The following ZNF546 variants were observed in gnomAD, a reference collection of about 807,000 sequenced individuals.
The protein encoded by ZNF546 is CTC-471F3.6.
A neutral mutation model predicts 76.2 loss-of-function variants in ZNF546; 60 were observed. The observed-to-expected ratio is 0.79, with a 90% CI of 0.64 to 0.98. The LOEUF (loss-of-function observed/expected upper bound fraction) is 0.98, where lower values mean the gene tolerates loss of function less well. Ranked by LOEUF, ZNF546 falls within the 50% of genes least tolerant of loss-of-function variation. The pLI is 0.00. For missense variants in ZNF546, 936 were observed against 1,035.6 expected, an observed-to-expected ratio of 0.90 and a Z score of 1.32; for synonymous variants, 277 against 328.1, an observed-to-expected ratio of 0.84 and a Z score of 1.68.
chr19:40,001,826 G>T (rs955746970), intron 3 of ZNF546, among the ~76,000 whole-genome samples: 3 of 152,074 alleles, frequency 2.0e-5, no homozygotes, highest in African/African-American at 7.3e-5. Flanking sequence ...AATATAAAAT[G>T]ATTTTATTTA....
At chr19:40,013,516 T>C in intron 6 of ZNF546, 149 bp from the exon 7 acceptor site, 1 of 733,550 alleles carries the variant, frequency 1.4e-6, no homozygotes, top group Non-Finnish European at 2.1e-6. Flanking sequence ...TGTTGAATCC[T>C]GCTCTAAACC....
intron 3 of ZNF546, among the ~76,000 whole-genome samples, chr19:39,998,917 C>T (rs1002641907): frequency 7.2e-5 from 11 of 152,132 alleles, no homozygotes; most frequent in East Asian, 5.8e-4. Context: ...GGATTACAGG[C>T]GCCTGCCACC....
Position 40,017,397 on chromosome 19 carries a change from T to C in ZNF546, c.*1616T>C, listed in dbSNP as rs1971785986. 1.3e-5 allele frequency: 2 copies of C among 152,260 alleles called. No homozygotes were observed. The highest frequency in any genetic ancestry group is 1.9e-4 in the East Asian group (1 of 5,204). 9.4% of individuals were successfully genotyped at this position (152,260 alleles called of 1,614,324 possible). On this transcript the variant is annotated 3_prime_UTR_variant, in exon 7 of 7. Coordinates refer to ENST00000347077, the MANE Select transcript of ZNF546 (RefSeq NM_178544.5). ...AAAAGAATAATGAACAGTTATGTTC[T>C]ATCTAGATTCAGCAATTGTTAATAT...
intron 3 of ZNF546, 167 bp downstream of exon 3, chr19:39,998,577 A>T: frequency 1.7e-6 from 1 of 582,228 alleles, no homozygotes. Context: ...GCAAGTGATA[A>T]TGGTCGCCTG....
rs762112659 is a variant in ZNF546 at position 40,014,441 on chromosome 19, G to A, written c.1171G>A (p.Gly391Arg). ...GVKPYKCNEC[G>R]KAFSHGSYLV... ...CAAACCCTATAAATGTAATGAATGT[G>A]GGAAGGCCTTTAGTCATGGCTCATA... The change falls in exon 7 of 7, where the codon GGG (glycine) becomes AGG (arginine). Residue 391 changes from glycine (G) to arginine (R), a missense_variant. By Grantham distance (125) the Gly-to-Arg change is moderately radical. Coordinates refer to ENST00000347077, the MANE Select transcript of ZNF546 (RefSeq NM_178544.5). The A allele has an allele frequency of 6.2e-7, 1 of 1,614,106 alleles. No individual in the cohort carries two copies. The highest frequency in any genetic ancestry group is 8.5e-7 in the Non-Finnish European group (1 of 1,179,978).
intron 3 of ZNF546, among the ~76,000 whole-genome samples, chr19:40,003,554 T>C (rs1026372521): frequency 6.6e-6 from 1 of 152,218 alleles, no homozygotes; most frequent in Non-Finnish European, 1.5e-5. Context: ...GAGCACAAAC[T>C]GTCAATACGT....
At chr19:40,007,546 G>T in intron 5 of ZNF546, 146 bp downstream of exon 5, 1 of 814,850 alleles carries the variant, frequency 1.2e-6, no homozygotes, top group Non-Finnish European at 1.7e-6. Flanking sequence ...GTGGAAATGG[G>T]CACCTGTGTT....
intron 6 of ZNF546, among the ~76,000 whole-genome samples, chr19:40,008,780 C>G (rs568904625): frequency 6.6e-6 from 1 of 152,196 alleles, no homozygotes; most frequent in South Asian, 2.1e-4. Context: ...TCTCTTCTCT[C>G]GTATTTCTCT....
chr19:39,999,224 A>T (rs1352851158), intron 3 of ZNF546, among the ~76,000 whole-genome samples: 3 of 152,248 alleles, frequency 2.0e-5, no homozygotes, highest in African/African-American at 7.2e-5. Flanking sequence ...AAATTTTCTT[A>T]TTCAGTCTGC....
At chr19:40,002,810 C>T (rs1316259482) in intron 3 of ZNF546, among the ~76,000 whole-genome samples, 1 of 151,488 alleles carries the variant, frequency 6.6e-6, no homozygotes, top group Non-Finnish European at 1.5e-5. Context: ...AGCGATTTTC[C>T]TGCCTCAGCT....
chr19:40,004,672 T>C (rs1040132924), intron 3 of ZNF546, among the ~76,000 whole-genome samples: 2 of 152,154 alleles, frequency 1.3e-5, no homozygotes, highest in African/African-American at 4.8e-5. Flanking sequence ...TTAAACTTTT[T>C]TCTCTCTCTC....
chr19:40,014,649 A>G lies in ZNF546; in HGVS notation c.1379A>G (p.His460Arg), dbSNP rs368847649. ...CTTCAAACGGAACTTACTCGGCATC[A>G]TAGAACTCATACTGGTGAGAAACCC... ...FRLQTELTRH[H>R]RTHTGEKPYE... The change falls in exon 7 of 7, where the codon CAT (histidine) becomes CGT (arginine). Residue 460 changes from histidine (H) to arginine (R), a missense_variant. Physicochemically the swap from His to Arg is conservative, Grantham distance 29 (BLOSUM62 0). Coordinates refer to ENST00000347077, the MANE Select transcript of ZNF546 (RefSeq NM_178544.5). 6.2e-7 allele frequency: 1 copy of G among 1,613,506 alleles called. No homozygotes were observed. The highest frequency in any genetic ancestry group is 1.1e-5 in the South Asian group (1 of 91,056).
rs1971760775 is a variant in ZNF546 at position 40,015,956 on chromosome 19, G to C, written c.*175G>C. 1.6e-6 allele frequency: 1 copy of C among 636,782 alleles called. No individual in the cohort carries two copies. Among genetic ancestry groups the C allele is most frequent in the Non-Finnish European group, 2.7e-6 (1 of 368,606 alleles). The allele number at this position is 636,782 out of a possible 1,614,324, so 39.4% of individuals were successfully genotyped here. A position where few individuals can be genotyped will look rare whatever the true frequency, so the allele number is the denominator to read the frequency against. ...CTATAGCATCACTCAGTCCCTGTTA[G>C]ACTTTAGAAGATTGATACTGATGCA... is the stretch of plus-strand genomic sequence containing the variant. On this transcript the variant is annotated 3_prime_UTR_variant, in exon 7 of 7. Coordinates refer to ENST00000347077, the MANE Select transcript of ZNF546 (RefSeq NM_178544.5).
rs1173842323 is a variant in ZNF546, at chr19:39,997,091, T to C, written c.-201T>C. 6.6e-6 allele frequency: 1 copy of C among 152,236 alleles called. No homozygotes were observed. Among genetic ancestry groups the C allele is most frequent in the African/African-American group, 2.4e-5 (1 of 41,452 alleles). The allele number at this position is 152,236 out of a possible 1,614,324, so 9.4% of individuals were successfully genotyped here. A position where few individuals can be genotyped will look rare whatever the true frequency, so the allele number is the denominator to read the frequency against. On this transcript the variant is annotated 5_prime_UTR_variant, in exon 1 of 7. Transcript: ENST00000347077. ...GCCTGGACCCCAAGGGCCCTTTACA[T>C]TGCGTTCTTAACGGTTCAGTCACCT...
rs376147297 is a variant in ZNF546, at chr19:40,015,588, G to T, written c.2318G>T (p.Gly773Val). 7 of 1,613,964 alleles carry T rather than the reference G, an allele frequency of 4.3e-6. No individual in the cohort carries two copies. In the South Asian group the frequency reaches 6.6e-5, roughly 15 times the overall value. ...ACTCGACATCACATAGTTCACACGG[G>T]TGAGAAACCCTATAAATGTAAAGAA... ...ELTRHHIVHT[G>V]EKPYKCKECG... The change falls in exon 7 of 7, where the codon GGT (glycine) becomes GTT (valine). Residue 773 changes from glycine to valine, a missense_variant. Physicochemically the swap from Gly to Val is moderately radical, Grantham distance 109 (BLOSUM62 -3). Coordinates refer to ENST00000347077, the MANE Select transcript of ZNF546 (RefSeq NM_178544.5).
At chr19:40,012,898 C>T (rs1200146816) in intron 6 of ZNF546, among the ~76,000 whole-genome samples, 1 of 151,840 alleles carries the variant, frequency 6.6e-6, no homozygotes, top group Non-Finnish European at 1.5e-5. Context: ...ACTGCAAGCT[C>T]CACCTCCTGG....
chr19:40,012,540 T>C (rs1971685426), intron 6 of ZNF546, among the ~76,000 whole-genome samples: 1 of 152,180 alleles, frequency 6.6e-6, no homozygotes, highest in Non-Finnish European at 1.5e-5. Context: ...AAAGGGGTTT[T>C]TATCAATGGT....
rs1971711362 is a variant in ZNF546, at chr19:40,014,078, G to GAGACCTT, written c.811_812insCCTTAGA (p.Arg271ThrfsTer6). The GAGACCTT allele has an allele frequency of 6.2e-7, 1 of 1,613,484 alleles. No homozygotes were observed. The highest frequency in any genetic ancestry group is 1.3e-5 in the African/African-American group (1 of 74,920). On this transcript the variant is annotated frameshift_variant, in exon 7 of 7. Transcript: ENST00000347077. LOFTEE classifies it high-confidence loss of function. ...AGTACATCACACAATCCATGCTGGG[G>GAGACCTT]AGAGACCCTATGAATGTAAAGAATG...
At position 40,015,529 on chromosome 19, in the gene ZNF546, A is replaced by C. The variant is rs770104939; in HGVS notation, c.2259A>C (p.Glu753Asp). Residue 753 changes from glutamate (E) to aspartate (D), a missense_variant, in exon 7 of 7, where the codon GAA becomes GAC. Coordinates refer to ENST00000347077, the MANE Select transcript of ZNF546 (RefSeq NM_178544.5). ...HTGEKPYSCK[E>D]CGNAFRLQAE... ...GTGAGAAACCTTATAGCTGTAAAGAATGTGGGAATGCCTTTCGTCTTCAAG... is the reference window on the plus strand; with the variant it reads ...GTGAGAAACCTTATAGCTGTAAAGACTGTGGGAATGCCTTTCGTCTTCAAG... The C allele has an allele frequency of 6.2e-7, 1 of 1,614,186 alleles. No homozygotes were observed. The highest frequency in any genetic ancestry group is 8.5e-7 in the Non-Finnish European group (1 of 1,180,038).
Sources: allele counts gnomAD v4.1 joint callset (sites outside exome capture counted in the v4.1 genomes callset), GRCh38; gene constraint gnomAD v4.1.1; transcripts MANE v1.5; gene names NCBI Gene and HGNC (gene_info 2026-07-23, HGNC 2026-07-21).